ADGRG5: variants seen among roughly 807,000 people sequenced by gnomAD.
ADGRG5 encodes the protein adhesion G protein-coupled receptor G5.
In ADGRG5, 37 loss-of-function variants were observed where a neutral mutation model predicts 53.2. That is an observed-to-expected ratio of 0.70 (90% CI 0.53 to 0.91). The LOEUF is 0.91. Ranked by LOEUF, ADGRG5 falls within the 40% of genes least tolerant of loss-of-function variation. ADGRG5 has a pLI of 0.00. For synonymous variants in ADGRG5, 277 were observed against 290.4 expected, an observed-to-expected ratio of 0.95 and a Z score of 0.47; for missense variants, 614 against 675.8, an observed-to-expected ratio of 0.91 and a Z score of 1.01.
At chr16:57,566,410 T>G in intron 6 of ADGRG5, 189 bp from the exon 7 acceptor site, 2 of 457,268 alleles carry the variant, frequency 4.4e-6, no homozygotes, top group Non-Finnish European at 3.8e-6. Context: ...GTGTCTTGCC[T>G]GGGTCACTCT....
the ADGRG5 span, among the ~76,000 whole-genome samples, chr16:57,532,102 T>C: frequency 6.6e-6 from 1 of 152,118 alleles, no homozygotes; most frequent in Non-Finnish European, 1.5e-5. Context: ...TCCCCATGTG[T>C]AGAAGGGGGG....
intron 6 of ADGRG5, 76 bp downstream of exon 6, chr16:57,565,226 A>G (rs759575467): frequency 6.0e-6 from 5 of 833,476 alleles, no homozygotes; most frequent in Non-Finnish European, 1.0e-5. Flanking sequence ...TGGTTTGACT[A>G]GACCCAAACC....
intron 5 of ADGRG5, among the ~76,000 whole-genome samples, 177 bp from the exon 6 acceptor site, chr16:57,564,857 A>T (rs2146802933): frequency 6.7e-6 from 1 of 149,774 alleles, no homozygotes; most frequent in Admixed American, 6.6e-5. Flanking sequence ...GGGCAGAAAC[A>T]GCACATGCAA....
chr16:57,531,902 C>T, the ADGRG5 span, among the ~76,000 whole-genome samples: 1 of 152,210 alleles, frequency 6.6e-6, no homozygotes, highest in Non-Finnish European at 1.5e-5. Flanking sequence ...TACACCACCA[C>T]GTGGAGCAGT....
chr16:57,575,190 G>T (rs1480015840), intron 11 of ADGRG5, 98 bp downstream of exon 11: 1 of 1,361,818 alleles, frequency 7.3e-7, no homozygotes, highest in Admixed American at 2.1e-5. Context: ...GGGGGCGAGT[G>T]GGGGACTAAC....
intron 1 of ADGRG5, among the ~76,000 whole-genome samples, chr16:57,545,803 C>T (rs1374160518): frequency 1.5e-5 from 2 of 133,418 alleles, no homozygotes; most frequent in South Asian, 2.2e-4. Flanking sequence ...TATATTATTT[C>T]TCACATGTGC....
intron 1 of ADGRG5, among the ~76,000 whole-genome samples, chr16:57,550,803 G>A (rs2032730091): frequency 6.6e-6 from 1 of 152,168 alleles, no homozygotes. Flanking sequence ...GCCGAGGCGG[G>A]CGGATCATGA....
chr16:57,560,113 C>CT (rs2032967756), intron 1 of ADGRG5, among the ~76,000 whole-genome samples: 1 of 152,196 alleles, frequency 6.6e-6, no homozygotes, highest in Admixed American at 6.5e-5. Context: ...GAAGACCTCC[C>CT]TCCCAGGGCA....
At chr16:57,560,611 C>T (rs916591531) in intron 1 of ADGRG5, among the ~76,000 whole-genome samples, 2 of 152,068 alleles carry the variant, frequency 1.3e-5, no homozygotes, top group Non-Finnish European at 2.9e-5. Flanking sequence ...TGCTTAATTC[C>T]CCCTTCTGTT....
chr16:57,529,957 C>G, the ADGRG5 span, among the ~76,000 whole-genome samples: 2 of 152,088 alleles, frequency 1.3e-5, no homozygotes, highest in Non-Finnish European at 2.9e-5. This position sits in a 1 kb window ranked among gnomAD's most constrained non-coding sequence, Gnocchi z 4.1. Flanking sequence ...GGCACTGTGC[C>G]CAGGGCTTTA....
upstream of ADGRG5, among the ~76,000 whole-genome samples, chr16:57,538,607 A>G (rs2032442883): frequency 6.6e-6 from 1 of 152,068 alleles, no homozygotes; most frequent in African/African-American, 2.4e-5. Context: ...CTCTTTCTAG[A>G]ACAACACCCC....
At position 57,568,057 on chromosome 16, in the gene ADGRG5, C is replaced by T; in HGVS notation, c.1023C>T (p.Leu341=). 6.2e-7 allele frequency: 1 copy of T among 1,614,048 alleles called. No homozygotes were observed. The highest frequency in any genetic ancestry group is 1.1e-5 in the South Asian group (1 of 91,090). Residue 341 remains leucine (L), a synonymous_variant, in exon 9 of 12, where the codon CTC becomes CTT. Transcript: ENST00000349457. ...WMAIEGFNLY[L]LLGRVYNIYI... is the part of the protein sequence containing the mutation. ...CCATCGAGGGCTTCAACCTCTACCT[C>T]CTCCTCGGGCGTGTCTACAACATCT...
chr16:57,567,611 CT>C lies in ADGRG5; in HGVS notation c.821+21del, dbSNP rs754585282. The stretch of plus-strand genomic sequence containing the variant: ...TTTCAGGTATTCCGCTGCCACAGTG[CT>C]GGGCCTGCCCTGCACTGTGGCACAT... On this transcript the variant is annotated intron_variant, in intron 8 of 11. Coordinates refer to ENST00000349457, the MANE Select transcript of ADGRG5 (RefSeq NM_001304376.3). 1.2e-6 allele frequency: 2 copies of C among 1,606,964 alleles called. No homozygotes were observed. The highest frequency in any genetic ancestry group is 1.7e-6 in the Non-Finnish European group (2 of 1,179,402).
the ADGRG5 span, among the ~76,000 whole-genome samples, chr16:57,531,317 A>T: frequency 6.8e-6 from 1 of 146,664 alleles, no homozygotes; most frequent in African/African-American, 2.5e-5. Context: ...CACTCCTTCC[A>T]GCTTTGAAGG....
chr16:57,558,749 C>T (rs2032936001), intron 1 of ADGRG5, among the ~76,000 whole-genome samples: 1 of 152,028 alleles, frequency 6.6e-6, no homozygotes, highest in Non-Finnish European at 1.5e-5. Flanking sequence ...CTGTTCGTTT[C>T]CCAGTAGTAG....
Position 57,563,094 on chromosome 16 carries a change from A to G in ADGRG5, c.144A>G (p.Gln48=). The change falls in exon 4 of 12, where the codon CAA becomes CAG. Residue 48 remains glutamine (Q), a synonymous_variant. Coordinates refer to ENST00000349457, the MANE Select transcript of ADGRG5 (RefSeq NM_001304376.3). ...RGRSSVFSSR[Q]LHQLEQMLLN... is the part of the protein sequence containing the mutation. ...TGGCCATCTCTCTGGGCTGCAGTCAACTCCACCAGCTGGAGCAGATGCTAC... is the reference window on the plus strand; with the variant it reads ...TGGCCATCTCTCTGGGCTGCAGTCAGCTCCACCAGCTGGAGCAGATGCTAC... The G allele has an allele frequency of 6.2e-7, 1 of 1,613,862 alleles. No individual in the cohort carries two copies. Among genetic ancestry groups the G allele is most frequent in the Non-Finnish European group, 8.5e-7 (1 of 1,179,948 alleles).
chr16:57,538,646 C>T (rs2032443719), upstream of ADGRG5, among the ~76,000 whole-genome samples: 1 of 152,168 alleles, frequency 6.6e-6, no homozygotes, highest in Non-Finnish European at 1.5e-5. Flanking sequence ...CAAGGCTAAT[C>T]TGGCGTCAAC....
chr16:57,534,892 G>A, the ADGRG5 span, among the ~76,000 whole-genome samples: 38 of 152,218 alleles, frequency 2.5e-4, no homozygotes, highest in Admixed American at 7.2e-4. Flanking sequence ...TGGGAACAGC[G>A]TTGTGTTTTG....
At chr16:57,554,019 T>A (rs1376757431) in intron 1 of ADGRG5, among the ~76,000 whole-genome samples, 1 of 152,232 alleles carries the variant, frequency 6.6e-6, no homozygotes, top group African/African-American at 2.4e-5. Context: ...GGAAGATTTT[T>A]AAATTACAAA....
Sources: gnomAD v4.1 joint callset for allele counts (sites outside exome capture counted in the v4.1 genomes callset) on GRCh38, gnomAD v4.1.1 for gene constraint, Gnocchi (gnomAD v3.1) non-coding constraint, MANE v1.5 for transcripts, NCBI Gene and HGNC (gene_info 2026-07-23, HGNC 2026-07-21) for gene names.